The following NIT2 variants were observed in gnomAD, a reference collection of about 807,000 sequenced individuals.
NIT2 encodes omega-amidase NIT2.
Under a neutral mutation model 42.7 loss-of-function variants are expected in NIT2, and 46 were observed. That is an observed-to-expected ratio of 1.08 (90% confidence interval 0.85 to 1.38). The LOEUF (loss-of-function observed/expected upper bound fraction) is 1.38, where lower values mean the gene tolerates loss of function less well. NIT2 is among the 40% of genes most tolerant of loss of function. The pLI, the probability that NIT2 is intolerant of heterozygous loss-of-function variation, is 0.00. For missense variants in NIT2, 309 were observed against 342.5 expected, an observed-to-expected ratio of 0.90 and a Z score of 0.77; for synonymous variants, 123 against 121.9, an observed-to-expected ratio of 1.01 and a Z score of -0.06.
intron 4 of NIT2, among the ~76,000 whole-genome samples, chr3:100,343,993 C>T (rs555226482): frequency 2.0e-5 from 3 of 152,238 alleles, no homozygotes; most frequent in Admixed American, 6.5e-5. Context: ...TTCTTTGAAA[C>T]GTGGGCAGCA....
In NIT2 at chr3:100,339,949, C is replaced by T; in HGVS notation, c.247+14C>T. The T allele has an allele frequency of 1.9e-6, 3 of 1,608,606 alleles. No individual in the cohort carries two copies. Among genetic ancestry groups the T allele is most frequent in the Non-Finnish European group, 2.5e-6 (3 of 1,177,170 alleles). ...ATCTCATTGGAGGTAACTTCCTACCCACAAGGTATAATGACCTAAACATTA... is the reference window on the plus strand; with the variant it reads ...ATCTCATTGGAGGTAACTTCCTACCTACAAGGTATAATGACCTAAACATTA... On this transcript the variant is annotated intron_variant, in intron 3 of 9. Coordinates refer to ENST00000394140, the MANE Select transcript of NIT2 (RefSeq NM_020202.5).
intron 1 of NIT2, among the ~76,000 whole-genome samples, chr3:100,336,308 G>A (rs183059852): frequency 2.0e-5 from 3 of 152,280 alleles, no homozygotes; most frequent in Admixed American, 2.0e-4. Flanking sequence ...TGGGAAGTTC[G>A]GGCAGGCCAT....
intron 1 of NIT2, among the ~76,000 whole-genome samples, chr3:100,337,861 G>A (rs1706096133): frequency 6.6e-6 from 1 of 152,154 alleles, no homozygotes; most frequent in South Asian, 2.1e-4. Flanking sequence ...CCAGGAGTTC[G>A]AGACCAGCCT....
chr3:100,346,400 AGACTTTTGCTGTGTATGGAT>A, intron 6 of NIT2, 145 bp downstream of exon 6: 1 of 671,680 alleles, frequency 1.5e-6, no homozygotes, highest in Non-Finnish European at 2.6e-6. Flanking sequence ...GAGGCTTCCC[AGACTTTTGCTGTGTATGGAT>A]GACAGGGTTT....
chr3:100,339,817 A>C lies in NIT2; in HGVS notation c.129A>C (p.Glu43Asp), dbSNP rs1192152601. The C allele has an allele frequency of 1.9e-6, 3 of 1,596,710 alleles. No individual in the cohort carries two copies. The highest frequency in any genetic ancestry group is 4.5e-5 in the East Asian group (2 of 44,690). ...TTTCTCTGCCAATATTTTTCTAGGAATGCTTTAATTCTCCATATGGAGCGA... is the reference window on the plus strand; with the variant it reads ...TTTCTCTGCCAATATTTTTCTAGGACTGCTTTAATTCTCCATATGGAGCGA... ...TQGAKIVSLP[E>D]CFNSPYGAKY... The change falls in exon 3 of 10, where the codon GAA becomes GAC. Residue 43 changes from glutamate to aspartate, a missense_variant and splice_region_variant. Physicochemically the swap from Glu to Asp is conservative, Grantham distance 45. Coordinates refer to ENST00000394140, the MANE Select transcript of NIT2 (RefSeq NM_020202.5).
chr3:100,356,532 G>C lies in NIT2; in HGVS notation c.*1264G>C, dbSNP rs1479320107. On this transcript the variant is annotated 3_prime_UTR_variant, in exon 10 of 10. Coordinates refer to ENST00000394140, the MANE Select transcript of NIT2 (RefSeq NM_020202.5). ...GAGCACACATTCCATTAGCTATTAA[G>C]GTGATGGACACGGTGTCCAAATGAC... The C allele has an allele frequency of 1.3e-5, 2 of 152,164 alleles. No individual in the cohort carries two copies. Among genetic ancestry groups the C allele is most frequent in the Non-Finnish European group, 2.9e-5 (2 of 68,026 alleles). The allele number at this position is 152,164 out of a possible 1,614,324, so 9.4% of individuals were successfully genotyped here. A position where few individuals can be genotyped will look rare whatever the true frequency, so the allele number is the denominator to read the frequency against.
At chr3:100,348,744 G>A in intron 6 of NIT2, 59 bp from the exon 7 acceptor site, 1 of 1,333,378 alleles carries the variant, frequency 7.5e-7, no homozygotes, top group Non-Finnish European at 1.1e-6. Context: ...ACAGTGGGGA[G>A]GACTGGTTTT....
At chr3:100,352,580 G>A in intron 8 of NIT2, 78 bp downstream of exon 8, 1 of 1,083,806 alleles carries the variant, frequency 9.2e-7, no homozygotes, top group Admixed American at 1.8e-5. Flanking sequence ...GGGTTTTCTG[G>A]TTCCTGAGCA....
chr3:100,340,590 G>A (rs2148881353), intron 3 of NIT2, among the ~76,000 whole-genome samples: 1 of 152,332 alleles, frequency 6.6e-6, no homozygotes, highest in East Asian at 1.9e-4. Flanking sequence ...AAGAAGCCTG[G>A]AGATGAAACT....
In NIT2 at chr3:100,339,861, C is replaced by A. The variant is rs1383455286; in HGVS notation, c.173C>A (p.Ala58Glu). 20 of 1,612,246 alleles carry A rather than the reference C, an allele frequency of 1.2e-5. No individual in the cohort carries two copies. The highest frequency in any genetic ancestry group is 1.7e-5 in the Non-Finnish European group (20 of 1,178,700). ...PYGAKYFPEY[A>E]EKIPGESTQK... The stretch of plus-strand genomic sequence containing the variant: ...GGAGCGAAATATTTTCCTGAATATG[C>A]AGAGAAAATTCCTGGTGAATCCACA... The change falls in exon 3 of 10, where the codon GCA (alanine) becomes GAA (glutamate). Residue 58 changes from alanine to glutamate, a missense_variant. Ala to Glu is a moderately radical substitution (Grantham distance 107, BLOSUM62 -1). Coordinates refer to ENST00000394140, the MANE Select transcript of NIT2 (RefSeq NM_020202.5).
In NIT2 at chr3:100,359,936, A is replaced by G. The variant is rs1576206185; in HGVS notation, c.*4668A>G. ...TGTTTATTCCTTAATGCTTAGCACA[A>G]TTTATTACTCTTGTTTCCATGGCAC... On this transcript the variant is annotated 3_prime_UTR_variant, in exon 10 of 10. Coordinates refer to ENST00000394140, the MANE Select transcript of NIT2 (RefSeq NM_020202.5). The G allele has an allele frequency of 6.6e-6, 1 of 152,128 alleles. No homozygotes were observed. 9.4% of individuals were successfully genotyped at this position (152,128 alleles called of 1,614,324 possible). A position where few individuals can be genotyped will look rare whatever the true frequency, so the allele number is the denominator to read the frequency against.
At chr3:100,352,609 A>C in intron 8 of NIT2, 107 bp downstream of exon 8, 2 of 694,104 alleles carry the variant, frequency 2.9e-6, no homozygotes, top group Non-Finnish European at 2.5e-6. Context: ...CTCACTTCTC[A>C]CTCCCATTTC....
chr3:100,337,413 G>A (rs986409196), intron 1 of NIT2, among the ~76,000 whole-genome samples: 1 of 152,042 alleles, frequency 6.6e-6, no homozygotes, highest in Non-Finnish European at 1.5e-5. Flanking sequence ...GACAGGACAT[G>A]GAAACAACAC....
Position 100,346,381 on chromosome 3 carries a change from C to T in NIT2, c.505+126C>T, listed in dbSNP as rs933873469. 4 of 801,458 alleles carry T rather than the reference C, an allele frequency of 5.0e-6. No individual in the cohort carries two copies. In the African/African-American group the frequency reaches 5.2e-5, roughly 10 times the overall value. 49.6% of individuals were successfully genotyped at this position (801,458 alleles called of 1,614,324 possible). A position where few individuals can be genotyped will look rare whatever the true frequency, so the allele number is the denominator to read the frequency against. Reference sequence around the variant, plus strand: ...TTAATTTCTCCATCTTCAGCCCTTTCACCCCCATGAGGCTTCCCAGACTTT... The same window carrying T: ...TTAATTTCTCCATCTTCAGCCCTTTTACCCCCATGAGGCTTCCCAGACTTT... On this transcript the variant is annotated intron_variant, in intron 6 of 9. Coordinates refer to ENST00000394140, the MANE Select transcript of NIT2 (RefSeq NM_020202.5).
chr3:100,342,395 A>T (rs544920711), intron 4 of NIT2, among the ~76,000 whole-genome samples: 1 of 152,234 alleles, frequency 6.6e-6, no homozygotes, highest in South Asian at 2.1e-4. Context: ...GATTGAATTT[A>T]GGGATAGAGA....
chr3:100,337,806 T>C (rs1199055902), intron 1 of NIT2, among the ~76,000 whole-genome samples: 2 of 152,198 alleles, frequency 1.3e-5, no homozygotes, highest in Non-Finnish European at 1.5e-5. Context: ...CTCATGCTTA[T>C]AATCGCAGCA....
rs773682587 is a variant in NIT2, at chr3:100,355,230, C to T, written c.793C>T (p.Arg265Ter). 2.5e-5 allele frequency: 41 copies of T among 1,613,874 alleles called. No individual in the cohort carries two copies. The highest frequency in any genetic ancestry group is 1.7e-4 in the African/African-American group (13 of 74,882). ...RQQIPVFRQK[R>*]SDLYAVEMKK... is the part of the protein sequence containing the mutation. ...GCAAATCCCCGTTTTTAGACAGAAGCGATCAGACCTCTATGCTGTGGAGAT... is the reference window on the plus strand; with the variant it reads ...GCAAATCCCCGTTTTTAGACAGAAGTGATCAGACCTCTATGCTGTGGAGAT... Residue 265 changes from arginine (R) to a stop codon, truncating the protein, a stop_gained, in exon 10 of 10, where the codon CGA becomes TGA. Coordinates refer to ENST00000394140, the MANE Select transcript of NIT2 (RefSeq NM_020202.5). LOFTEE classifies it high-confidence loss of function.
intron 1 of NIT2, among the ~76,000 whole-genome samples, chr3:100,336,235 G>T (rs1706069553): frequency 6.6e-6 from 1 of 152,134 alleles, no homozygotes; most frequent in Non-Finnish European, 1.5e-5. Flanking sequence ...GTTGTTACAG[G>T]AAACACCCAA....
At chr3:100,345,757 C>A (rs918843456) in intron 5 of NIT2, 79 bp downstream of exon 5, 3 of 882,768 alleles carry the variant, frequency 3.4e-6, no homozygotes, top group African/African-American at 3.3e-5. Context: ...TGTCTCTCTC[C>A]GATTTCTTCA....
Sources: allele counts gnomAD v4.1 joint callset (sites outside exome capture counted in the v4.1 genomes callset), GRCh38; gene constraint gnomAD v4.1.1; transcripts MANE v1.5; gene names NCBI Gene and HGNC (gene_info 2026-07-23, HGNC 2026-07-21).